ZMYND11: variants seen among roughly 807,000 people sequenced by gnomAD.
The protein encoded by ZMYND11 is zinc finger MYND-type containing 11.
In ZMYND11, 9 loss-of-function variants were observed where a neutral mutation model predicts 84.9. That is an observed-to-expected ratio of 0.11 (90% CI 0.06 to 0.18). The LOEUF is 0.18. Among genes scored for constraint, ZMYND11 ranks in the 10% least tolerant of loss-of-function variants. The pLI is 1.00. For synonymous variants in ZMYND11, 250 were observed against 244.1 expected (o/e 1.02, Z -0.23); for missense variants, 409 against 761.0 (o/e 0.54, Z 5.44).
intron 1 of ZMYND11, among the ~76,000 whole-genome samples, chr10:147,264 G>A (rs1251232435): frequency 6.6e-6 from 1 of 152,084 alleles, no homozygotes; most frequent in Admixed American, 6.5e-5. Context: ...AGATTACTCT[G>A]ACTAGGACTT....
chr10:158,618 A>G (rs1842243972), intron 1 of ZMYND11, among the ~76,000 whole-genome samples: 2 of 140,702 alleles, frequency 1.4e-5, no homozygotes, highest in South Asian at 4.5e-4. Context: ...ACGGGGTTTC[A>G]CCATGTTGGC....
At chr10:224,796 T>C (rs1451524214) in intron 4 of ZMYND11, among the ~76,000 whole-genome samples, 3 of 152,140 alleles carry the variant, frequency 2.0e-5, no homozygotes, top group African/African-American at 7.2e-5. Context: ...GACCAGTTCC[T>C]CATGTAGCAG....
intron 1 of ZMYND11, among the ~76,000 whole-genome samples, chr10:151,095 C>CA (rs1554756881): frequency 6.6e-6 from 1 of 152,036 alleles, no homozygotes; most frequent in African/African-American, 2.4e-5. Flanking sequence ...ACCAAAGGTA[C>CA]ATAAAACCTC....
At chr10:176,153 T>C (rs1846573607) in intron 1 of ZMYND11, among the ~76,000 whole-genome samples, 1 of 152,200 alleles carries the variant, frequency 6.6e-6, no homozygotes, top group African/African-American at 2.4e-5. Flanking sequence ...AGAAGTAGTG[T>C]GGATATAAAG....
chr10:204,793 A>G (rs951468678), intron 2 of ZMYND11, among the ~76,000 whole-genome samples: 11 of 152,058 alleles, frequency 7.2e-5, no homozygotes, highest in Non-Finnish European at 1.5e-4. Flanking sequence ...GGAGTAAACT[A>G]TATTTTTAAA....
intron 4 of ZMYND11, among the ~76,000 whole-genome samples, chr10:234,167 G>A (rs1373463157): frequency 1.3e-5 from 2 of 152,220 alleles, no homozygotes; most frequent in Admixed American, 6.5e-5. Context: ...AACAGTGGAT[G>A]GCTTTATTTT....
chr10:245,943 G>T (rs1001903612), intron 10 of ZMYND11, among the ~76,000 whole-genome samples: 4 of 152,132 alleles, frequency 2.6e-5, no homozygotes, highest in Non-Finnish European at 1.5e-5. Flanking sequence ...GTCAAATGAG[G>T]CAATGAAACT....
At chr10:234,982 A>ATTGTGTG in intron 4 of ZMYND11, among the ~76,000 whole-genome samples, 2 of 148,994 alleles carry the variant, frequency 1.3e-5, no homozygotes, top group South Asian at 4.3e-4. Context: ...TATTTCGCAA[A>ATTGTGTG]TGTGTGTGTG....
chr10:246,910 T>G lies in ZMYND11; in HGVS notation c.1095T>G (p.Ser365=), dbSNP rs774913694. Residue 365 remains serine, a synonymous_variant, in exon 11 of 15, where the codon TCT becomes TCG. Transcript: ENST00000381604. ...RFLREGRFWK[S]KNEDRGEEEA... ...TACGAGAAGGGAGATTTTGGAAATC[T>G]AAGAATGAGGACCGAGGTGAGGAAG... The G allele has an allele frequency of 1.2e-6, 2 of 1,613,394 alleles. No homozygotes were observed. The highest frequency in any genetic ancestry group is 2.2e-5 in the South Asian group (2 of 90,800).
chr10:149,396 C>T (rs1347730067), intron 1 of ZMYND11, among the ~76,000 whole-genome samples: 17 of 151,552 alleles, frequency 1.1e-4, no homozygotes, highest in African/African-American at 2.7e-4. Flanking sequence ...CTGCAAGCTC[C>T]GCCTCCTGGG....
chr10:135,027 T>G (rs1835569276), upstream of ZMYND11: 1 of 148,674 alleles, frequency 6.7e-6, no homozygotes, highest in African/African-American at 2.4e-5. The surrounding 1 kb of genome is among the most constrained non-coding windows in gnomAD (Gnocchi z 5.6). Flanking sequence ...CCCGACACAA[T>G]AAACTCCGAG....
intron 2 of ZMYND11, among the ~76,000 whole-genome samples, chr10:203,890 T>TA (rs1943680406): frequency 6.6e-6 from 1 of 152,106 alleles, no homozygotes; most frequent in Non-Finnish European, 1.5e-5. Flanking sequence ...ACGATTTTTT[T>TA]AAAAAAATGT....
At chr10:227,873 G>T (rs1474418732) in intron 4 of ZMYND11, among the ~76,000 whole-genome samples, 6 of 152,200 alleles carry the variant, frequency 3.9e-5, no homozygotes, top group Middle Eastern at 3.4e-3. Context: ...ATCTAGAATG[G>T]AGATTTGATT....
At chr10:196,080 A>G (rs1025481217) in intron 2 of ZMYND11, among the ~76,000 whole-genome samples, 2 of 152,168 alleles carry the variant, frequency 1.3e-5, no homozygotes, top group Non-Finnish European at 2.9e-5. Context: ...GACCCATTCC[A>G]CTGTTTTAGG....
chr10:184,951 T>G (rs1471790299), intron 2 of ZMYND11, among the ~76,000 whole-genome samples: 1 of 152,198 alleles, frequency 6.6e-6, no homozygotes, highest in Non-Finnish European at 1.5e-5. Flanking sequence ...TTCAACTGAC[T>G]GCGGTAGTAG....
At chr10:234,353 G>C (rs902375918) in intron 4 of ZMYND11, among the ~76,000 whole-genome samples, 2 of 152,228 alleles carry the variant, frequency 1.3e-5, no homozygotes, top group African/African-American at 2.4e-5. Context: ...CTACTCAAGG[G>C]ACCACAGAGC....
At chr10:139,073 T>A (rs1836846864) in intron 1 of ZMYND11, among the ~76,000 whole-genome samples, 1 of 152,230 alleles carries the variant, frequency 6.6e-6, no homozygotes, top group African/African-American at 2.4e-5. Context: ...CCCAAAGCGC[T>A]GGGACTATAG....
chr10:137,150 T>C (rs186062408), intron 1 of ZMYND11, among the ~76,000 whole-genome samples: 10 of 152,210 alleles, frequency 6.6e-5, no homozygotes, highest in Admixed American at 3.9e-4. Context: ...CAGTGTCAGA[T>C]GCAGTGTGTA....
intron 2 of ZMYND11, among the ~76,000 whole-genome samples, chr10:196,554 G>T (rs1243387394): frequency 6.6e-6 from 1 of 152,078 alleles, no homozygotes; most frequent in Non-Finnish European, 1.5e-5. Context: ...AACAAAATTA[G>T]TAGGTTATAC....
Sources: gnomAD v4.1 joint callset for allele counts (sites outside exome capture counted in the v4.1 genomes callset) on GRCh38, gnomAD v4.1.1 for gene constraint, Gnocchi (gnomAD v3.1) non-coding constraint, MANE v1.5 for transcripts, NCBI Gene and HGNC (gene_info 2026-07-23, HGNC 2026-07-21) for gene names.